CHD5: variants seen among roughly 807,000 people sequenced by gnomAD.
CHD5 encodes ATP-dependent chromatin remodeler CHD5.
CHD5 carries 69 observed loss-of-function variants against 230.3 expected under a neutral mutation model. That is an observed-to-expected ratio of 0.30 (90% CI 0.25 to 0.37). The LOEUF (loss-of-function observed/expected upper bound fraction) is 0.37, where lower values mean the gene tolerates loss of function less well. Among genes scored for constraint, CHD5 ranks in the 10% least tolerant of loss-of-function variants. The pLI, the probability that CHD5 is intolerant of heterozygous loss-of-function variation, is 1.00. For synonymous variants in CHD5, 1,064 were observed against 1,065.9 expected, an observed-to-expected ratio of 1.00 and a Z score of 0.03; for missense variants, 1,827 against 2,622.8, an observed-to-expected ratio of 0.70 and a Z score of 6.63.
At chr1:6,165,960 T>C (rs1234358579) in intron 2 of CHD5, among the ~76,000 whole-genome samples, 3 of 151,808 alleles carry the variant, frequency 2.0e-5, no homozygotes, top group East Asian at 2.0e-4. Flanking sequence ...TGGGGCATGA[T>C]GGGCCAGGCA....
chr1:6,116,616 G>A (rs1216484057), intron 33 of CHD5, among the ~76,000 whole-genome samples: 2 of 152,206 alleles, frequency 1.3e-5, no homozygotes, highest in African/African-American at 2.4e-5. Context: ...AGCCTTCTCA[G>A]CTTCTCAGCA....
chr1:6,134,484 C>G lies in CHD5; in HGVS notation c.3013-225G>C, dbSNP rs2100850822. Reference sequence around the variant, plus strand: ...GCCCCCCGTTCCCAGGCAGGGCTCACAGCCGCACCAGCCCTACCACAGCAG... The same window carrying G: ...GCCCCCCGTTCCCAGGCAGGGCTCAGAGCCGCACCAGCCCTACCACAGCAG... On this transcript the variant is annotated intron_variant, in intron 19 of 41. Transcript: ENST00000262450. The surrounding 1 kb of genome is among the most constrained non-coding windows in gnomAD (Gnocchi z 6.3). 6.6e-6 allele frequency among the ~76,000 whole-genome samples: 1 copy of G among 152,324 alleles called. No homozygotes were observed. Among genetic ancestry groups the G allele is most frequent in the South Asian group, 2.1e-4 (1 of 4,828 alleles).
chr1:6,135,795 G>T (rs921536935), intron 17 of CHD5, among the ~76,000 whole-genome samples: 2 of 152,062 alleles, frequency 1.3e-5, no homozygotes, highest in Non-Finnish European at 2.9e-5. Context: ...CAGATCACCC[G>T]TCGGGAGTTC....
In CHD5 at chr1:6,121,551, G is replaced by C; in HGVS notation, c.4722C>G (p.Gly1574=). The change falls in exon 32 of 42, where the codon GGC becomes GGG. Residue 1574 remains glycine (G), a synonymous_variant. Transcript: ENST00000262450. This position sits in a 1 kb window ranked among gnomAD's most constrained non-coding sequence, Gnocchi z 4.5. ...GLPDKMEAQL[G]YMDEKDPGAQ... Reference sequence around the variant, plus strand: ...CCCCGGGGTCTTTCTCATCCATGTAGCCCAGCTGGGCTTCCATTTTGTCTG... The same window carrying C: ...CCCCGGGGTCTTTCTCATCCATGTACCCCAGCTGGGCTTCCATTTTGTCTG... 6.2e-7 allele frequency: 1 copy of C among 1,612,760 alleles called. No individual in the cohort carries two copies. The highest frequency in any genetic ancestry group is 1.1e-5 in the South Asian group (1 of 90,752).
rs12138820 is a variant in CHD5 at position 6,105,431 on chromosome 1, C to A, written c.*47-4G>T. 1,604 of 470,492 alleles carry A rather than the reference C, an allele frequency of 3.4e-3. 7 individuals carry two copies. The highest frequency in any genetic ancestry group is 0.016 in the Middle Eastern group (50 of 3,072). 29.1% of individuals were successfully genotyped at this position (470,492 alleles called of 1,614,324 possible). ...GCAGGTGGCCCGGCAGGCGTGGCTG[C>A]AAAACGCAAATCAGTGGGTTAAGCA... On this transcript the variant is annotated splice_polypyrimidine_tract_variant and splice_region_variant and intron_variant, in intron 41 of 41. Coordinates refer to ENST00000262450, the MANE Select transcript of CHD5 (RefSeq NM_015557.3). This position sits in a 1 kb window ranked among gnomAD's most constrained non-coding sequence, Gnocchi z 4.8.
intron 13 of CHD5, 110 bp downstream of exon 13, chr1:6,143,713 G>T: frequency 1.0e-6 from 1 of 976,530 alleles, no homozygotes; most frequent in Non-Finnish European, 1.6e-6. Context: ...CATAAGCCAT[G>T]AGGGCCCAAG....
Position 6,154,823 on chromosome 1 carries a change from C to A in CHD5, c.582G>T (p.Glu194Asp). The A allele has an allele frequency of 6.2e-7, 1 of 1,613,922 alleles. No individual in the cohort carries two copies. Among genetic ancestry groups the A allele is most frequent in the Non-Finnish European group, 8.5e-7 (1 of 1,179,992 alleles). The stretch of plus-strand genomic sequence containing the variant: ...CCTTGAAGGGGTTGTTGGCGCTGAA[C>A]TCCCGCCACTTGGCACCCAGGACGG... ...MMTVLGAKWR[E>D]FSANNPFKGS... The change falls in exon 5 of 42, where the codon GAG becomes GAT. Residue 194 changes from glutamate (E) to aspartate (D), a missense_variant. Around this residue, in one of 14 missense-constraint regions of CHD5, gnomAD observed 657 missense variants for 816.4 expected, o/e 0.80. Coordinates refer to ENST00000262450, the MANE Select transcript of CHD5 (RefSeq NM_015557.3). This position sits in a 1 kb window ranked among gnomAD's most constrained non-coding sequence, Gnocchi z 7.0.
In CHD5 at chr1:6,134,408, C is replaced by T; in HGVS notation, c.3013-149G>A. The T allele has an allele frequency of 9.6e-7, 1 of 1,040,538 alleles. No homozygotes were observed. Among genetic ancestry groups the T allele is most frequent in the Non-Finnish European group, 1.4e-6 (1 of 712,536 alleles). 64.5% of individuals were successfully genotyped at this position (1,040,538 alleles called of 1,614,324 possible). On this transcript the variant is annotated intron_variant, in intron 19 of 41. Coordinates refer to ENST00000262450, the MANE Select transcript of CHD5 (RefSeq NM_015557.3). The surrounding 1 kb of genome is among the most constrained non-coding windows in gnomAD (Gnocchi z 6.3). ...ACATGAGACCCACACCCGAGCCAGG[C>T]CAGGCCCCACAGTGCGGGGTAGACC...
In CHD5 at chr1:6,121,407, A is replaced by G; in HGVS notation, c.4779+87T>C. The G allele has an allele frequency of 6.8e-7, 1 of 1,478,958 alleles. No individual in the cohort carries two copies. Among genetic ancestry groups the G allele is most frequent in the Non-Finnish European group, 9.3e-7 (1 of 1,071,962 alleles). The allele number at this position is 1,478,958 out of a possible 1,614,324, so 91.6% of individuals were successfully genotyped here. On this transcript the variant is annotated intron_variant, in intron 32 of 41. Transcript: ENST00000262450. This position sits in a 1 kb window ranked among gnomAD's most constrained non-coding sequence, Gnocchi z 4.5. ...AAGGGAGCCAGGAGGCCTGGGTTCC[A>G]CCTCGCTGTACAGGGCCTGAGAAGG...
In CHD5 at chr1:6,152,400, GCACA is replaced by G. The variant is rs1557555788; in HGVS notation, c.870+8_870+11del. ...CAAATGCACACACACGCGCACACAC[GCACA>G]CACTCACCGAGGAGCCTTTCTTCCT... On this transcript the variant is annotated splice_region_variant and intron_variant, in intron 6 of 41. Transcript: ENST00000262450. 1.9e-6 allele frequency: 3 copies of G among 1,610,574 alleles called. No homozygotes were observed. The highest frequency in any genetic ancestry group is 2.5e-6 in the Non-Finnish European group (3 of 1,178,298).
intron 15 of CHD5, among the ~76,000 whole-genome samples, chr1:6,137,835 G>C (rs2250248): frequency 0.075 from 11,464 of 152,288 alleles, 673 homozygotes; most frequent in East Asian, 0.29. Context: ...TATCCCAGGG[G>C]ACAATGGAGT....
intron 25 of CHD5, among the ~76,000 whole-genome samples, chr1:6,127,806 C>A (rs934057553): frequency 6.6e-6 from 1 of 152,180 alleles, no homozygotes; most frequent in African/African-American, 2.4e-5. Flanking sequence ...GTCCTGAGCC[C>A]GCGGGTGGAG....
In CHD5 at chr1:6,131,801, G is replaced by A; in HGVS notation, c.3145-53C>T. 3.4e-6 allele frequency: 4 copies of A among 1,180,960 alleles called. No homozygotes were observed. The South Asian group carries it at 5.1e-5, about 15-fold the overall frequency. The allele number at this position is 1,180,960 out of a possible 1,614,324, so 73.2% of individuals were successfully genotyped here. ...CTGCCAAGGAGCAAGGGGCCCCATGGGCCATGGGCGGGGACCCCGCCACAG... is the reference window on the plus strand; with the variant it reads ...CTGCCAAGGAGCAAGGGGCCCCATGAGCCATGGGCGGGGACCCCGCCACAG... On this transcript the variant is annotated intron_variant, in intron 20 of 41. Transcript: ENST00000262450. The surrounding 1 kb of genome is among the most constrained non-coding windows in gnomAD (Gnocchi z 5.0).
intron 33 of CHD5, among the ~76,000 whole-genome samples, chr1:6,116,019 T>C (rs1299112488): frequency 6.6e-6 from 1 of 152,218 alleles, no homozygotes; most frequent in Non-Finnish European, 1.5e-5. Context: ...AAGCAAAAGA[T>C]ATGAAAACTT....
intron 20 of CHD5, among the ~76,000 whole-genome samples, chr1:6,133,579 C>T (rs1464591984): frequency 6.6e-6 from 1 of 152,254 alleles, no homozygotes. Flanking sequence ...GGGTACCTGT[C>T]CCTTGAGCTG....
In CHD5 at chr1:6,106,254, G is replaced by A. The variant is rs374535510; in HGVS notation, c.*26C>T. On this transcript the variant is annotated 3_prime_UTR_variant, in exon 41 of 42. Coordinates refer to ENST00000262450, the MANE Select transcript of CHD5 (RefSeq NM_015557.3). ...CTCACCTCAGCTGGAAATGAGCGCT[G>A]CAACACAGGGAAGTCTCGAGGACGG... The A allele has an allele frequency of 1.2e-6, 2 of 1,612,648 alleles. No homozygotes were observed. Among genetic ancestry groups the A allele is most frequent in the Non-Finnish European group, 1.7e-6 (2 of 1,179,934 alleles).
chr1:6,127,998 G>C, intron 25 of CHD5, 48 bp downstream of exon 25: 1 of 1,478,402 alleles, frequency 6.8e-7, no homozygotes, highest in South Asian at 1.3e-5. Flanking sequence ...GGGCGGGGCT[G>C]CGGATGGAGG....
rs184962039 is a variant in CHD5, at chr1:6,139,635, C to T, written c.2436+2493G>A. Among the ~76,000 whole-genome samples the T allele has an allele frequency of 1.3e-5, 2 of 151,858 alleles. 1 individual carries two copies. Among genetic ancestry groups the T allele is most frequent in the South Asian group, 4.1e-4 (2 of 4,820 alleles). On this transcript the variant is annotated intron_variant, in intron 15 of 41. Coordinates refer to ENST00000262450, the MANE Select transcript of CHD5 (RefSeq NM_015557.3). ...ACACAATCATGGCGCACTACAGCCT[C>T]GAACTCCTGGGCTCAGGCAATCCTC... is the stretch of plus-strand genomic sequence containing the variant.
chr1:6,111,909 G>A, intron 35 of CHD5, 26 bp from the exon 36 acceptor site: 11 of 1,598,208 alleles, frequency 6.9e-6, no homozygotes, highest in Non-Finnish European at 9.4e-6. Flanking sequence ...AGGTGAGCAG[G>A]GTGAGAAGTG....
Sources: allele counts gnomAD v4.1 joint callset (sites outside exome capture counted in the v4.1 genomes callset), GRCh38; gene constraint gnomAD v4.1.1; regional missense constraint gnomAD v4.1.1; non-coding constraint Gnocchi (gnomAD v3.1); transcripts MANE v1.5; gene names NCBI Gene and HGNC (gene_info 2026-07-23, HGNC 2026-07-21).